NUBPL: variants seen among roughly 807,000 people sequenced by gnomAD.
The protein encoded by NUBPL is NUBP iron-sulfur cluster assembly factor, mitochondrial, also known as iron-sulfur cluster transfer protein NUBPL.
NUBPL carries 31 observed loss-of-function variants against 45.7 expected under a neutral mutation model. The ratio of observed to expected loss-of-function variants is 0.68; its 90% CI spans 0.51 to 0.92. The LOEUF is 0.92. Ranked by LOEUF, NUBPL falls within the 40% of genes least tolerant of loss-of-function variation. The pLI, the probability that NUBPL is intolerant of heterozygous loss-of-function variation, is 0.00. For synonymous variants in NUBPL, 144 were observed against 140.9 expected (o/e 1.02, Z -0.15); for missense variants, 401 against 398.7 (o/e 1.01, Z -0.05).
chr14:31,706,152 A>G (rs1242325256), intron 6 of NUBPL, among the ~76,000 whole-genome samples: 2 of 125,692 alleles, frequency 1.6e-5, no homozygotes, highest in African/African-American at 4.9e-5. Flanking sequence ...TCACCTCTCA[A>G]TCCCCCCTCT....
intron 7 of NUBPL, among the ~76,000 whole-genome samples, chr14:31,819,645 C>T (rs2039981565): frequency 1.3e-5 from 2 of 152,154 alleles, no homozygotes; most frequent in Admixed American, 1.3e-4. Context: ...AGATTTTCCT[C>T]TTAATAGGAG....
intron 6 of NUBPL, among the ~76,000 whole-genome samples, chr14:31,752,218 G>C (rs1032069113): frequency 6.6e-6 from 1 of 152,168 alleles, no homozygotes; most frequent in Non-Finnish European, 1.5e-5. Flanking sequence ...TAAAAAATGG[G>C]TTTTTCTTTT....
intron 4 of NUBPL, among the ~76,000 whole-genome samples, chr14:31,644,533 C>CT (rs1453690392): frequency 6.6e-6 from 1 of 152,126 alleles, no homozygotes; most frequent in Non-Finnish European, 1.5e-5. Context: ...ATGATTTCTA[C>CT]TTTTTTGTAT....
rs148971698 is a variant in NUBPL at position 31,754,524 on chromosome 14, T to G, written c.514-33256T>G. Among the ~76,000 whole-genome samples the G allele has an allele frequency of 1.0e-3, 154 of 149,934 alleles. 1 individual carries two copies. In the East Asian group the frequency reaches 0.021, roughly 20 times the overall value. ...CAACAAATAAATTGTAAGAAAAAAT[T>G]AAAGGAAAGATAATCTATAGATTTA... On this transcript the variant is annotated intron_variant, in intron 6 of 10. Transcript: ENST00000281081.
intron 6 of NUBPL, among the ~76,000 whole-genome samples, chr14:31,709,810 T>A (rs979939177): frequency 6.6e-6 from 1 of 152,184 alleles, no homozygotes; most frequent in Non-Finnish European, 1.5e-5. Context: ...TTTGTTGTCC[T>A]TTGGAGATTT....
chr14:31,601,575 G>A (rs1050931585), intron 4 of NUBPL, among the ~76,000 whole-genome samples: 22 of 152,196 alleles, frequency 1.4e-4, no homozygotes, highest in African/African-American at 5.3e-4. Flanking sequence ...AAAAGTGGGC[G>A]AAGGACATGA....
intron 4 of NUBPL, among the ~76,000 whole-genome samples, chr14:31,639,481 G>A (rs7159319): frequency 0.16 from 25,030 of 152,144 alleles, 5,909 homozygotes; most frequent in African/African-American, 0.53. Context: ...TGAGGTGTCA[G>A]TCTGCCCCTA....
Position 31,780,068 on chromosome 14 carries a change from T to C in NUBPL, c.514-7712T>C, listed in dbSNP as rs181813086. On this transcript the variant is annotated intron_variant, in intron 6 of 10. Transcript: ENST00000281081. ...TGCTTATAAAGAGAGAGCACATTTT[T>C]TTTTTTTTCCCTGAGACGGGGTCTT... Among the ~76,000 whole-genome samples the C allele has an allele frequency of 2.5e-3, 374 of 152,118 alleles. 1 individual carries two copies. The highest frequency in any genetic ancestry group is 8.1e-3 in the African/African-American group (338 of 41,512).
intron 4 of NUBPL, among the ~76,000 whole-genome samples, chr14:31,668,908 C>T (rs1386406905): frequency 6.6e-6 from 1 of 152,176 alleles, no homozygotes; most frequent in Non-Finnish European, 1.5e-5. Context: ...AACTGTGTAT[C>T]TCAGTTGGAA....
intron 4 of NUBPL, among the ~76,000 whole-genome samples, chr14:31,638,191 C>G (rs534820639): frequency 6.6e-6 from 1 of 152,054 alleles, no homozygotes; most frequent in East Asian, 1.9e-4. Flanking sequence ...TCTCGATGGT[C>G]TTTACATTTT....
intron 4 of NUBPL, among the ~76,000 whole-genome samples, chr14:31,673,036 C>T (rs1056180051): frequency 9.2e-5 from 14 of 152,062 alleles, no homozygotes; most frequent in African/African-American, 2.9e-4. Context: ...TGATCTGTTG[C>T]GCAGCATGGT....
In NUBPL at chr14:31,841,917, C is replaced by CTTTTGTTTTT; in HGVS notation, c.694-4550_694-4549insGTTTTTTTTT. ...CTTTCATGTATGGGTCGATTCTGGGCTTTTTTTTTTTTTTTTTTTTTTTTT... is the reference window on the plus strand; with the variant it reads ...CTTTCATGTATGGGTCGATTCTGGGCTTTTGTTTTTTTTTTTTTTTTTTTTTTTTTTTTTT... On this transcript the variant is annotated intron_variant, in intron 8 of 10. Coordinates refer to ENST00000281081, the MANE Select transcript of NUBPL (RefSeq NM_025152.3). Among the ~76,000 whole-genome samples the CTTTTGTTTTT allele has an allele frequency of 4.4e-3, 191 of 43,038 alleles. 16 individuals carry two copies. Among genetic ancestry groups the CTTTTGTTTTT allele is most frequent in the Non-Finnish European group, 4.8e-3 (112 of 23,460 alleles). The allele number at this position is 43,038 out of a possible 152,430, so 28.2% of individuals were successfully genotyped here. A position where few individuals can be genotyped will look rare whatever the true frequency, so the allele number is the denominator to read the frequency against.
At chr14:31,567,138 T>A (rs6571433) in intron 3 of NUBPL, among the ~76,000 whole-genome samples, 103,575 of 151,638 alleles carry the variant, frequency 0.68, 35,812 homozygotes, top group African/African-American at 0.8. Flanking sequence ...AATAATTTCC[T>A]CTCTGAACTT....
chr14:31,625,147 A>G (rs985706568), intron 4 of NUBPL, among the ~76,000 whole-genome samples: 6 of 152,242 alleles, frequency 3.9e-5, no homozygotes, highest in African/African-American at 1.4e-4. Flanking sequence ...TCAGAGAAGT[A>G]GAAAGAAGAC....
At chr14:31,815,294 T>G (rs2039893646) in intron 7 of NUBPL, among the ~76,000 whole-genome samples, 2 of 152,178 alleles carry the variant, frequency 1.3e-5, no homozygotes, top group African/African-American at 2.4e-5. Context: ...TTATTCTCTT[T>G]GTAGCAATTG....
At chr14:31,697,242 A>G (rs1421120899) in intron 6 of NUBPL, among the ~76,000 whole-genome samples, 1 of 152,242 alleles carries the variant, frequency 6.6e-6, no homozygotes, top group Admixed American at 6.5e-5. Context: ...ATAAAATGGC[A>G]CAGTCTTATT....
chr14:31,750,062 G>A (rs561249593), intron 6 of NUBPL, among the ~76,000 whole-genome samples: 9 of 151,936 alleles, frequency 5.9e-5, no homozygotes, highest in Admixed American at 5.2e-4. Flanking sequence ...CCTCTTCTAT[G>A]ATATGTATCT....
At chr14:31,726,411 T>C (rs1437310981) in intron 6 of NUBPL, among the ~76,000 whole-genome samples, 1 of 152,254 alleles carries the variant, frequency 6.6e-6, no homozygotes, top group Admixed American at 6.5e-5. Context: ...CTGGGAAGGT[T>C]ATTTTGGCTC....
intron 4 of NUBPL, among the ~76,000 whole-genome samples, chr14:31,629,066 T>C (rs766102861): frequency 1.3e-5 from 2 of 152,118 alleles, no homozygotes; most frequent in Admixed American, 6.6e-5. Flanking sequence ...CAAAATAATA[T>C]CTTTGTAGAA....
Sources: allele counts gnomAD v4.1 joint callset (sites outside exome capture counted in the v4.1 genomes callset), GRCh38; gene constraint gnomAD v4.1.1; transcripts MANE v1.5; gene names NCBI Gene and HGNC (gene_info 2026-07-23, HGNC 2026-07-21).